ABCA3: variants seen among roughly 807,000 people sequenced by gnomAD.
The protein encoded by ABCA3 is phospholipid-transporting ATPase ABCA3.
ABCA3 carries 88 observed loss-of-function variants against 172.8 expected under a neutral mutation model. The ratio of observed to expected loss-of-function variants is 0.51; its 90% CI spans 0.43 to 0.61. The LOEUF (loss-of-function observed/expected upper bound fraction) is 0.61, where lower values mean the gene tolerates loss of function less well. ABCA3 is among the 20% of genes least tolerant of loss of function. ABCA3 has a pLI of 0.00. For synonymous variants in ABCA3, 1,066 were observed against 983.8 expected (o/e 1.08, Z -1.56); for missense variants, 2,164 against 2,301.0 (o/e 0.94, Z 1.22).
intron 12 of ABCA3, among the ~76,000 whole-genome samples, chr16:2,301,053 A>AC (rs1281877147): frequency 6.6e-6 from 1 of 151,240 alleles, no homozygotes; most frequent in African/African-American, 2.4e-5. Context: ...ACACGGTGAA[A>AC]CCCCGTCTCT....
chr16:2,332,490 G>A lies in ABCA3; in HGVS notation c.-538-2636C>T. ...GGTAATAGGCCACCAGGGCTTTGGA[G>A]ATGGACTGACGGGTAGCATAAATCT... On this transcript the variant is annotated intron_variant, in intron 1 of 32. Transcript: ENST00000301732. 1.2e-5 allele frequency: 11 copies of A among 937,094 alleles called. No homozygotes were observed. In the South Asian group the frequency reaches 1.5e-4, roughly 13 times the overall value. 58.0% of individuals were successfully genotyped at this position (937,094 alleles called of 1,614,324 possible).
At chr16:2,325,900 A>G in intron 5 of ABCA3, 110 bp downstream of exon 5, 2 of 1,473,532 alleles carry the variant, frequency 1.4e-6, no homozygotes, top group Non-Finnish European at 9.3e-7. Flanking sequence ...AAGTCTGCAC[A>G]GGGTGAACTC....
At chr16:2,324,094 A>G (rs753920083) in intron 6 of ABCA3, among the ~76,000 whole-genome samples, 2 of 152,172 alleles carry the variant, frequency 1.3e-5, no homozygotes, top group South Asian at 2.1e-4. Context: ...TTCCTTAACT[A>G]TCTTATTAGA....
In ABCA3 at chr16:2,288,357, C is replaced by T. The variant is rs372417253; in HGVS notation, c.2701-28G>A. On this transcript the variant is annotated intron_variant, in intron 20 of 32. Transcript: ENST00000301732. The stretch of plus-strand genomic sequence containing the variant: ...GCGGCAGAGGGGACGCAGGTGACAC[C>T]GGCACCGCTTGGGGCCCAGCGCCTG... 7.0e-4 allele frequency: 1,083 copies of T among 1,536,254 alleles called. 1 individual carries two copies. The highest frequency in any genetic ancestry group is 9.1e-4 in the Non-Finnish European group (1,042 of 1,145,840).
Position 2,317,696 on chromosome 16 carries a change from G to C in ABCA3, c.942C>G (p.Leu314=), listed in dbSNP as rs773723001. ...HWSAWFLLFF[L]FLLIAASFMT... ...TGAAGGAGGCGGCGATGAGGAGGAA[G>C]AGGAAGAACAAGAGGAACCAGGCAC... The change falls in exon 9 of 33, where the codon CTC becomes CTG. Residue 314 remains leucine, a synonymous_variant. Coordinates refer to ENST00000301732, the MANE Select transcript of ABCA3 (RefSeq NM_001089.3). The C allele has an allele frequency of 1.1e-4, 170 of 1,614,142 alleles. 2 individuals carry two copies. The Middle Eastern group carries it at 6.7e-3, about 64-fold the overall frequency.
chr16:2,296,798 G>T (rs1020343312), intron 17 of ABCA3, among the ~76,000 whole-genome samples: 2 of 152,228 alleles, frequency 1.3e-5, no homozygotes, highest in African/African-American at 4.8e-5. Context: ...GGGCAGAAGT[G>T]GGACGTGAAC....
chr16:2,297,468 C>A lies in ABCA3; in HGVS notation c.2124G>T (p.Gln708His), dbSNP rs2093681664. 3.1e-6 allele frequency: 5 copies of A among 1,613,808 alleles called. No homozygotes were observed. The highest frequency in any genetic ancestry group is 3.4e-6 in the Non-Finnish European group (4 of 1,180,028). The change falls in exon 17 of 33, where the codon CAG (glutamine) becomes CAT (histidine). Residue 708 changes from glutamine (Q) to histidine (H), a missense_variant. Coordinates refer to ENST00000301732, the MANE Select transcript of ABCA3 (RefSeq NM_001089.3). The surrounding 1 kb of genome is among the most constrained non-coding windows in gnomAD (Gnocchi z 5.6). ...CGATGGTGCGGTCACTTTTCTGCCG[C>A]TGAAGAAGATCCCAGATGGCCCTCC... ...ISRRAIWDLL[Q>H]RQKSDRTIVL...
At chr16:2,309,239 C>G (rs1381158093) in intron 10 of ABCA3, among the ~76,000 whole-genome samples, 3 of 152,006 alleles carry the variant, frequency 2.0e-5, no homozygotes, top group Admixed American at 2.0e-4. Flanking sequence ...AGCCACCGTG[C>G]CCAGCCTGCC....
intron 11 of ABCA3, among the ~76,000 whole-genome samples, chr16:2,306,196 C>A (rs150060067): frequency 6.6e-6 from 1 of 151,976 alleles, no homozygotes; most frequent in African/African-American, 2.4e-5. Flanking sequence ...TGTGGTGGCA[C>A]GTGCCTGTAG....
At chr16:2,309,670 T>C (rs953985519) in intron 10 of ABCA3, among the ~76,000 whole-genome samples, 10 of 152,132 alleles carry the variant, frequency 6.6e-5, no homozygotes, top group African/African-American at 2.2e-4. Flanking sequence ...TAGGCTGGAG[T>C]ACAGTGGTGC....
chr16:2,298,017 A>C, intron 15 of ABCA3, 96 bp from the exon 16 acceptor site: 1 of 1,157,824 alleles, frequency 8.6e-7, no homozygotes, highest in Non-Finnish European at 1.2e-6. Context: ...TCCTTGACGT[A>C]GCTGGGGAGA....
chr16:2,285,771 G>A lies in ABCA3; in HGVS notation c.3279-125C>T, dbSNP rs2141695551. On this transcript the variant is annotated intron_variant, in intron 22 of 32. Transcript: ENST00000301732. This position sits in a 1 kb window ranked among gnomAD's most constrained non-coding sequence, Gnocchi z 4.7. ...AGCCCAACCACTAAAGGGGCTTATGGGAGAGCACAAGCACCATGGTTCCAT... is the reference window on the plus strand; with the variant it reads ...AGCCCAACCACTAAAGGGGCTTATGAGAGAGCACAAGCACCATGGTTCCAT... The A allele has an allele frequency of 1.1e-6, 1 of 885,004 alleles. No homozygotes were observed. Among genetic ancestry groups the A allele is most frequent in the Admixed American group, 2.0e-5 (1 of 49,952 alleles). The allele number at this position is 885,004 out of a possible 1,614,324, so 54.8% of individuals were successfully genotyped here. A position where few individuals can be genotyped will look rare whatever the true frequency, so the allele number is the denominator to read the frequency against.
rs577159942 is a variant in ABCA3 at position 2,323,482 on chromosome 16, C to T, written c.613+41G>A. 5 of 1,613,106 alleles carry T rather than the reference C, an allele frequency of 3.1e-6. No individual in the cohort carries two copies. The South Asian group carries it at 4.4e-5, about 14-fold the overall frequency. On this transcript the variant is annotated intron_variant, in intron 7 of 32. Coordinates refer to ENST00000301732, the MANE Select transcript of ABCA3 (RefSeq NM_001089.3). ...CCCCCATATGACTGTCACTAGTCAA[C>T]AGCCCGGGCTGGTAACACGAACCCT...
chr16:2,276,817 A>C lies in ABCA3; in HGVS notation c.4984-12T>G, dbSNP rs760010558. On this transcript the variant is annotated splice_polypyrimidine_tract_variant and intron_variant, in intron 32 of 32. Transcript: ENST00000301732. ...AGAATACCGAAAACCTTTGGGGAGC[A>C]GAAAAGTCACTGGTAGGAGAGAACA... 1 of 1,613,598 alleles carries C rather than the reference A, an allele frequency of 6.2e-7. No individual in the cohort carries two copies. Among genetic ancestry groups the C allele is most frequent in the Non-Finnish European group, 8.5e-7 (1 of 1,179,994 alleles).
In ABCA3 at chr16:2,319,812, C is replaced by A; in HGVS notation, c.642G>T (p.Val214=). ...PGYIREGFLA[V]QHAVDRAIME... is the part of the protein sequence containing the mutation. ...TGATGGCCCGGTCCACAGCATGCTG[C>A]ACGGCCAGGAAGCCTTCCCGGATGT... The change falls in exon 8 of 33, where the codon GTG becomes GTT. Residue 214 remains valine, a synonymous_variant. Coordinates refer to ENST00000301732, the MANE Select transcript of ABCA3 (RefSeq NM_001089.3). The A allele has an allele frequency of 6.2e-7, 1 of 1,613,948 alleles. No individual in the cohort carries two copies. Among genetic ancestry groups the A allele is most frequent in the African/African-American group, 1.3e-5 (1 of 75,006 alleles).
At chr16:2,325,231 G>A (rs150554007) in intron 5 of ABCA3, among the ~76,000 whole-genome samples, 2,060 of 152,282 alleles carry the variant, frequency 0.014, 23 homozygotes, top group Non-Finnish European at 0.02. Flanking sequence ...CGGTCAAACT[G>A]TGCCCTGCCC....
chr16:2,305,913 G>C (rs1202063733), intron 11 of ABCA3, among the ~76,000 whole-genome samples: 2 of 152,008 alleles, frequency 1.3e-5, no homozygotes, highest in African/African-American at 2.4e-5. Context: ...TCATCTCTCT[G>C]GTTTGCCAAC....
chr16:2,289,112 T>C, intron 20 of ABCA3: 2 of 373,452 alleles, frequency 5.4e-6, no homozygotes, highest in Admixed American at 8.4e-5. Context: ...CGGTTTCCCA[T>C]CTGTGAACCG....
In ABCA3 at chr16:2,298,316, C is replaced by A. The variant is rs45589336; in HGVS notation, c.1896+70G>T. ...GCTCCCTTCCTCCAGTTTAGCTCCT[C>A]GGAAGACTGCCCCAGAAACTCGAGC... On this transcript the variant is annotated intron_variant, in intron 15 of 32. Coordinates refer to ENST00000301732, the MANE Select transcript of ABCA3 (RefSeq NM_001089.3). The A allele has an allele frequency of 1.5e-3, 2,398 of 1,604,334 alleles. 33 individuals are homozygous for A. In the African/African-American group the frequency reaches 0.028, roughly 19 times the overall value.
Sources: allele counts gnomAD v4.1 joint callset (sites outside exome capture counted in the v4.1 genomes callset), GRCh38; gene constraint gnomAD v4.1.1; non-coding constraint Gnocchi (gnomAD v3.1); transcripts MANE v1.5; gene names NCBI Gene and HGNC (gene_info 2026-07-23, HGNC 2026-07-21).